Variants in COL13A1 observed in about 807,000 individuals in gnomAD.
COL13A1 encodes the protein collagen type XIII alpha 1 chain.
In COL13A1, 89 loss-of-function variants were observed where a neutral mutation model predicts 130.9. That is an observed-to-expected ratio of 0.68 (90% CI 0.57 to 0.81). COL13A1 has a LOEUF of 0.81. Ranked by LOEUF, COL13A1 falls within the 30% of genes least tolerant of loss-of-function variation. COL13A1 has a pLI of 0.00. For missense variants in COL13A1, 879 were observed against 934.6 expected, an observed-to-expected ratio of 0.94 and a Z score of 0.78; for synonymous variants, 402 against 341.6, an observed-to-expected ratio of 1.18 and a Z score of -1.95.
chr10:69,941,151 A>G, intron 35 of COL13A1, 128 bp downstream of exon 35: 1 of 1,493,846 alleles, frequency 6.7e-7, no homozygotes, highest in Non-Finnish European at 9.2e-7. Flanking sequence ...CCGACACCAG[A>G]AAGGTGCCAC....
intron 39 of COL13A1, chr10:69,955,011 G>A (rs541112155): frequency 1.3e-5 from 2 of 152,316 alleles, no homozygotes; most frequent in Admixed American, 1.3e-4. Context: ...AGGCTCAAGG[G>A]GTTACAGCTC....
At chr10:69,858,153 T>C (rs1340245283) in intron 2 of COL13A1, among the ~76,000 whole-genome samples, 1 of 145,794 alleles carries the variant, frequency 6.9e-6, no homozygotes, top group Non-Finnish European at 1.5e-5. Flanking sequence ...GCCTGGCACA[T>C]GAGAAGAGCT....
At chr10:69,806,317 G>T (rs1438007205) in intron 1 of COL13A1, among the ~76,000 whole-genome samples, 2 of 152,234 alleles carry the variant, frequency 1.3e-5, no homozygotes, top group Admixed American at 6.5e-5. Flanking sequence ...AAGCAGGTGA[G>T]GGGGCAGAGA....
chr10:69,911,826 T>C (rs1238332914), intron 17 of COL13A1, among the ~76,000 whole-genome samples: 1 of 152,178 alleles, frequency 6.6e-6, no homozygotes, highest in African/African-American at 2.4e-5. Flanking sequence ...CCTCAGGGAG[T>C]TGGGATGGTT....
chr10:69,919,329 G>A (rs1197676386), intron 20 of COL13A1, among the ~76,000 whole-genome samples: 2 of 152,172 alleles, frequency 1.3e-5, no homozygotes, highest in Non-Finnish European at 2.9e-5. Context: ...CACCCACAGG[G>A]TTCTCTTTCC....
intron 14 of COL13A1, among the ~76,000 whole-genome samples, chr10:69,900,891 C>A (rs2062119156): frequency 6.6e-6 from 1 of 152,178 alleles, no homozygotes; most frequent in Non-Finnish European, 1.5e-5. Context: ...TCTTCTGTAA[C>A]ATAGGACTTG....
At chr10:69,945,865 G>T in intron 37 of COL13A1, 141 bp downstream of exon 37, 1 of 1,026,214 alleles carries the variant, frequency 9.7e-7, no homozygotes, top group East Asian at 2.7e-5. Flanking sequence ...GAGGTCAGGA[G>T]ATCAAGACTA....
At chr10:69,897,555 C>T (rs772902956) in intron 13 of COL13A1, 59 of 1,612,994 alleles carry the variant, frequency 3.7e-5, no homozygotes, top group Admixed American at 5.0e-5. Flanking sequence ...GGAAGGTCTC[C>T]GGGCCCCTCT....
chr10:69,846,969 A>G (rs1025920852), intron 2 of COL13A1, among the ~76,000 whole-genome samples: 9 of 152,350 alleles, frequency 5.9e-5, no homozygotes, highest in African/African-American at 2.2e-4. Context: ...GGCTCACCCC[A>G]GGGTGCTGCT....
At chr10:69,923,399 G>C (rs1301049582) in intron 23 of COL13A1, among the ~76,000 whole-genome samples, 1 of 152,226 alleles carries the variant, frequency 6.6e-6, no homozygotes, top group Non-Finnish European at 1.5e-5. Flanking sequence ...TACTTTAGCA[G>C]CACTGAGAAA....
chr10:69,860,439 C>T (rs1249901671), intron 2 of COL13A1, among the ~76,000 whole-genome samples: 2 of 152,214 alleles, frequency 1.3e-5, no homozygotes, highest in Non-Finnish European at 2.9e-5. Context: ...TGCTTCCAAG[C>T]ACCTGCCTTC....
At chr10:69,803,057 C>T (rs1840495338) in intron 1 of COL13A1, among the ~76,000 whole-genome samples, 1 of 152,168 alleles carries the variant, frequency 6.6e-6, no homozygotes, top group South Asian at 2.1e-4. Flanking sequence ...CGGGACCCGG[C>T]CAGGGTGGTG....
intron 8 of COL13A1, among the ~76,000 whole-genome samples, chr10:69,887,866 CA>C (rs2060753632): frequency 6.6e-6 from 1 of 152,146 alleles, no homozygotes; most frequent in African/African-American, 2.4e-5. Flanking sequence ...GAGGGGGAGG[CA>C]GAGGGGTGGC....
chr10:69,837,387 C>A (rs778615175), intron 2 of COL13A1, among the ~76,000 whole-genome samples: 11 of 152,232 alleles, frequency 7.2e-5, no homozygotes, highest in African/African-American at 2.4e-4. Flanking sequence ...GCCAATGCCA[C>A]AGACTCCTGA....
At chr10:69,803,457 G>A (rs1032030788) in intron 1 of COL13A1, among the ~76,000 whole-genome samples, 2 of 152,242 alleles carry the variant, frequency 1.3e-5, no homozygotes, top group Non-Finnish European at 2.9e-5. Flanking sequence ...TCCCCAGGAA[G>A]GAGGGACATG....
chr10:69,854,772 T>C (rs546309558), intron 2 of COL13A1, among the ~76,000 whole-genome samples: 1 of 152,226 alleles, frequency 6.6e-6, no homozygotes, highest in African/African-American at 2.4e-5. Context: ...ATCAGTTATG[T>C]CTGCCATGGG....
rs752607534 is a variant in COL13A1, at chr10:69,945,705, C to T, written c.2003C>T (p.Thr668Met). The change falls in exon 37 of 41, where the codon ACG becomes ATG. Residue 668 changes from threonine to methionine, a missense_variant. By Grantham distance (81) the Thr-to-Met change is moderately conservative. This residue lies in a region of COL13A1 where 96 missense variants were observed against 147.7 expected (regional missense o/e 0.65). Coordinates refer to ENST00000645393, the MANE Select transcript of COL13A1 (RefSeq NM_001368882.1). ...SKGDPGMTGP[T>M]GAAGLPGLHG... ...GGAGACCCTGGGATGACAGGACCAA[C>T]GGGAGCAGCTGGGCTTCCTGTGAGT... The T allele has an allele frequency of 1.2e-5, 20 of 1,612,720 alleles. No individual in the cohort carries two copies. Among genetic ancestry groups the T allele is most frequent in the South Asian group, 4.4e-5 (4 of 90,644 alleles).
At chr10:69,819,571 A>C (rs1845506856) in intron 1 of COL13A1, among the ~76,000 whole-genome samples, 2 of 152,162 alleles carry the variant, frequency 1.3e-5, no homozygotes, top group African/African-American at 4.8e-5. Context: ...CCTGTCTATC[A>C]GTAATTGAAT....
intron 21 of COL13A1, among the ~76,000 whole-genome samples, chr10:69,921,665 G>A (rs759765757): frequency 3.0e-4 from 45 of 152,324 alleles, no homozygotes; most frequent in Middle Eastern, 3.4e-3. Flanking sequence ...AATAAGGAAA[G>A]CAGTCATGCA....
Sources: gnomAD v4.1 joint callset for allele counts (sites outside exome capture counted in the v4.1 genomes callset) on GRCh38, gnomAD v4.1.1 for gene constraint, gnomAD v4.1.1 regional missense constraint, MANE v1.5 for transcripts, NCBI Gene and HGNC (gene_info 2026-07-23, HGNC 2026-07-21) for gene names.